Variants in TRIM42 observed in about 807,000 individuals in gnomAD.
TRIM42 encodes the protein tripartite motif containing 42.
A neutral mutation model predicts 64.9 loss-of-function variants in TRIM42; 59 were observed. The observed-to-expected ratio is 0.91, with a 90% CI of 0.74 to 1.13. The LOEUF (loss-of-function observed/expected upper bound fraction) is 1.13. Among genes scored for constraint, TRIM42 ranks in the 50% most tolerant of loss-of-function variants. The probability of loss-of-function intolerance (pLI) is 0.00; values close to 1 mark genes in which losing one functional copy is unlikely to be tolerated. For missense variants in TRIM42, 878 were observed against 929.5 expected (o/e 0.94, Z 0.72); for synonymous variants, 354 against 346.3 (o/e 1.02, Z -0.25).
Position 140,691,035 on chromosome 3 carries a change from C to T in TRIM42, c.1928C>T (p.Ser643Phe). ...FEMEFYEVIT[S>F]PPNNVQMELC... The stretch of plus-strand genomic sequence containing the variant: ...ATGGAATTCTATGAAGTCATTACTT[C>T]TCCTCCTAACAACGTACAAATGGAG... The change falls in exon 4 of 5, where the codon TCT becomes TTT. Residue 643 changes from serine to phenylalanine, a missense_variant. Physicochemically the swap from Ser to Phe is radical, Grantham distance 155. Coordinates refer to ENST00000286349, the MANE Select transcript of TRIM42 (RefSeq NM_152616.5). The T allele has an allele frequency of 9.3e-6, 15 of 1,614,084 alleles. No homozygotes were observed. Among genetic ancestry groups the T allele is most frequent in the Non-Finnish European group, 1.3e-5 (15 of 1,179,972 alleles).
At chr3:140,689,200 T>C (rs1988643652) in intron 3 of TRIM42, among the ~76,000 whole-genome samples, 2 of 152,228 alleles carry the variant, frequency 1.3e-5, no homozygotes, top group Admixed American at 6.5e-5. Context: ...TGGGCTTTTC[T>C]TTAACATACC....
chr3:140,691,477 T>G (rs1266086909), intron 4 of TRIM42, among the ~76,000 whole-genome samples: 1 of 152,198 alleles, frequency 6.6e-6, no homozygotes, highest in African/African-American at 2.4e-5. Context: ...TTCAAGGTGC[T>G]CAGGGTCTAG....
chr3:140,688,008 C>A lies in TRIM42; in HGVS notation c.1326C>A (p.Phe442Leu). The A allele has an allele frequency of 6.2e-7, 1 of 1,614,194 alleles. No homozygotes were observed. The highest frequency in any genetic ancestry group is 8.5e-7 in the Non-Finnish European group (1 of 1,180,032). The change falls in exon 3 of 5, where the codon TTC (phenylalanine) becomes TTA (leucine). Residue 442 changes from phenylalanine (F) to leucine (L), a missense_variant. Phe to Leu is a conservative substitution (Grantham distance 22). Transcript: ENST00000286349. The part of the protein sequence containing the change: ...EALKETGQVA[F>L]LQSAKILVDQ... ...TGAAGGAGACTGGCCAGGTGGCATT[C>A]CTGCAGTCAGCCAAGATCCTGGTGG... is the stretch of plus-strand genomic sequence containing the variant.
intron 4 of TRIM42, among the ~76,000 whole-genome samples, chr3:140,698,879 T>A (rs1988922668): frequency 1.3e-5 from 2 of 152,146 alleles, no homozygotes; most frequent in South Asian, 2.1e-4. Context: ...TTTTCTTTCC[T>A]TATGGCTTTG....
Position 140,687,908 on chromosome 3 carries a change from T to C in TRIM42, c.1226T>C (p.Ile409Thr), listed in dbSNP as rs1988590131. 2 of 1,613,834 alleles carry C rather than the reference T, an allele frequency of 1.2e-6. No homozygotes were observed. The highest frequency in any genetic ancestry group is 2.2e-5 in the East Asian group (1 of 44,874). Residue 409 changes from isoleucine (I) to threonine (T), a missense_variant, in exon 3 of 5, where the codon ATT becomes ACT. Coordinates refer to ENST00000286349, the MANE Select transcript of TRIM42 (RefSeq NM_152616.5). ...CTAGAAGTGTCCAGGCAGAAGGAAA[T>C]TGAAAAATATGTGTATGTTACAACC... ...ENLEVSRQKE[I>T]EKYVYVTTMK...
chr3:140,691,037 C>T lies in TRIM42; in HGVS notation c.1930C>T (p.Pro644Ser), dbSNP rs764142864. The stretch of plus-strand genomic sequence containing the variant: ...GGAATTCTATGAAGTCATTACTTCT[C>T]CTCCTAACAACGTACAAATGGAGCT... ...EMEFYEVITSPPNNVQMELCG... is the reference protein window; with the variant it reads ...EMEFYEVITSSPNNVQMELCG... Residue 644 changes from proline to serine, a missense_variant, in exon 4 of 5, where the codon CCT becomes TCT. By Grantham distance (74) the Pro-to-Ser change is moderately conservative (BLOSUM62 -1). Coordinates refer to ENST00000286349, the MANE Select transcript of TRIM42 (RefSeq NM_152616.5). 6.2e-7 allele frequency: 1 copy of T among 1,614,076 alleles called. No homozygotes were observed. Among genetic ancestry groups the T allele is most frequent in the Non-Finnish European group, 8.5e-7 (1 of 1,179,968 alleles).
At chr3:140,688,592 G>C in intron 3 of TRIM42, 50 bp downstream of exon 3, 1 of 1,415,402 alleles carries the variant, frequency 7.1e-7, no homozygotes, top group Non-Finnish European at 9.7e-7. Flanking sequence ...GTGGGGCACA[G>C]AGTAGAAGTG....
At chr3:140,681,373 T>C (rs2107841075) in intron 1 of TRIM42, among the ~76,000 whole-genome samples, 1 of 152,358 alleles carries the variant, frequency 6.6e-6, no homozygotes. Flanking sequence ...GATTACCTTT[T>C]AGACTTTATA....
At chr3:140,687,064 G>A (rs1384249179) in intron 2 of TRIM42, among the ~76,000 whole-genome samples, 1 of 152,158 alleles carries the variant, frequency 6.6e-6, no homozygotes, top group Non-Finnish European at 1.5e-5. Flanking sequence ...AATGCCATAT[G>A]AGGGGACACA....
chr3:140,689,971 A>G (rs1988664033), intron 3 of TRIM42, among the ~76,000 whole-genome samples: 1 of 152,060 alleles, frequency 6.6e-6, no homozygotes, highest in Admixed American at 6.6e-5. Context: ...CCTATTAGTC[A>G]TCCCTGATGA....
At chr3:140,686,635 A>T (rs1264843997) in intron 2 of TRIM42, among the ~76,000 whole-genome samples, 1 of 152,212 alleles carries the variant, frequency 6.6e-6, no homozygotes, top group East Asian at 1.9e-4. Flanking sequence ...TGAACCCAGG[A>T]TAATGTTATG....
rs376787374 is a variant in TRIM42, at chr3:140,699,832, C to T, written c.2086-1056C>T. ...AATATGACCTTTGCCTTGCATGCAG[C>T]CCTGTCTTCTCTAAAACCAAAAATT... On this transcript the variant is annotated intron_variant, in intron 4 of 4. Transcript: ENST00000286349. Among the ~76,000 whole-genome samples the T allele has an allele frequency of 3.9e-5, 6 of 152,300 alleles. No homozygotes were observed. The East Asian group carries it at 5.8e-4, about 15-fold the overall frequency.
Position 140,678,083 on chromosome 3 carries a change from T to G in TRIM42, c.-147T>G. 2.9e-6 allele frequency: 2 copies of G among 696,152 alleles called. No individual in the cohort carries two copies. The highest frequency in any genetic ancestry group is 5.1e-6 in the Non-Finnish European group (2 of 396,020). The allele number at this position is 696,152 out of a possible 1,614,324, so 43.1% of individuals were successfully genotyped here. ...CCTGGTAGGGACACCAGCTGTGAAG[T>G]CCTCATAACAGCCAACTTCTTGCAA... On this transcript the variant is annotated 5_prime_UTR_variant, in exon 1 of 5. Coordinates refer to ENST00000286349, the MANE Select transcript of TRIM42 (RefSeq NM_152616.5).
chr3:140,684,140 T>A (rs1415388877), intron 2 of TRIM42, among the ~76,000 whole-genome samples: 1 of 152,080 alleles, frequency 6.6e-6, no homozygotes, highest in African/African-American at 2.4e-5. Flanking sequence ...TTTTGTCTAA[T>A]CTCAATAATG....
At position 140,688,149 on chromosome 3, in the gene TRIM42, C is replaced by G. The variant is rs1988601181; in HGVS notation, c.1467C>G (p.Leu489=). 2 of 1,614,106 alleles carry G rather than the reference C, an allele frequency of 1.2e-6. No homozygotes were observed. The highest frequency in any genetic ancestry group is 1.7e-6 in the Non-Finnish European group (2 of 1,180,054). Residue 489 remains leucine (L), a synonymous_variant, in exon 3 of 5, where the codon CTC becomes CTG. Transcript: ENST00000286349. ...FVELSSAIHE[L]FPTGPKKVRS... ...AGCTTTCCAGTGCCATCCATGAGCT[C>G]TTCCCCACAGGGCCCAAGAAGGTAC...
At chr3:140,699,848 A>G (rs1172191653) in intron 4 of TRIM42, among the ~76,000 whole-genome samples, 1 of 152,206 alleles carries the variant, frequency 6.6e-6, no homozygotes, top group Non-Finnish European at 1.5e-5. Flanking sequence ...CTTCTCTAAA[A>G]CCAAAAATTT....
rs143068651 is a variant in TRIM42 at position 140,697,665 on chromosome 3, TTTTG to T, written c.2086-3219_2086-3216del. On this transcript the variant is annotated intron_variant, in intron 4 of 4. Coordinates refer to ENST00000286349, the MANE Select transcript of TRIM42 (RefSeq NM_152616.5). ...ACAATGGAAATGCCACTTTTGGTTTTTTTGTTTATTTGTTTGTTTATTTTTTGTT... is the reference window on the plus strand; with the variant it reads ...ACAATGGAAATGCCACTTTTGGTTTTTTTATTTGTTTGTTTATTTTTTGTT... 8.0e-3 allele frequency among the ~76,000 whole-genome samples: 1,218 copies of T among 152,208 alleles called. 9 individuals are homozygous for T. The highest frequency in any genetic ancestry group is 0.022 in the South Asian group (104 of 4,820).
intron 3 of TRIM42, 32 bp from the exon 4 acceptor site, chr3:140,690,936 G>A: frequency 6.5e-7 from 1 of 1,542,744 alleles, no homozygotes; most frequent in East Asian, 2.2e-5. Flanking sequence ...ATGTATACTA[G>A]TACCACACCA....
At position 140,682,729 on chromosome 3, in the gene TRIM42, G is replaced by A. The variant is rs1276505275; in HGVS notation, c.609G>A (p.Met203Ile). Residue 203 changes from methionine (M) to isoleucine (I), a missense_variant, in exon 2 of 5, where the codon ATG becomes ATA. Coordinates refer to ENST00000286349, the MANE Select transcript of TRIM42 (RefSeq NM_152616.5). ...RSHCMPYSNK[M>I]QLPENYLHGR... is the part of the protein sequence containing the mutation. Reference sequence around the variant, plus strand: ...ACTGCATGCCCTACAGCAACAAGATGCAGCTGCCCGAGAACTACCTGCACG... The same window carrying A: ...ACTGCATGCCCTACAGCAACAAGATACAGCTGCCCGAGAACTACCTGCACG... 4 of 1,612,702 alleles carry A rather than the reference G, an allele frequency of 2.5e-6. No individual in the cohort carries two copies. The highest frequency in any genetic ancestry group is 3.4e-6 in the Non-Finnish European group (4 of 1,180,026).
Sources: gnomAD v4.1 joint callset for allele counts (sites outside exome capture counted in the v4.1 genomes callset) on GRCh38, gnomAD v4.1.1 for gene constraint, MANE v1.5 for transcripts, NCBI Gene and HGNC (gene_info 2026-07-23, HGNC 2026-07-21) for gene names.